The following MYO5B variants were observed in gnomAD, a reference collection of about 807,000 sequenced individuals.
MYO5B encodes the protein myosin VB.
A neutral mutation model predicts 229.3 loss-of-function variants in MYO5B; 143 were observed. That is an observed-to-expected ratio of 0.62 (90% CI 0.54 to 0.72). The LOEUF (loss-of-function observed/expected upper bound fraction) is 0.72, where lower values mean the gene tolerates loss of function less well. Ranked by LOEUF, MYO5B falls within the 30% of genes least tolerant of loss-of-function variation. MYO5B has a pLI of 0.00. For missense variants in MYO5B, 2,321 were observed against 2,331.0 expected (o/e 1.00, Z 0.09); for synonymous variants, 918 against 885.2 (o/e 1.04, Z -0.66).
At chr18:50,096,586 T>C (rs112654711) in intron 1 of MYO5B, among the ~76,000 whole-genome samples, 1 of 152,144 alleles carries the variant, frequency 6.6e-6, no homozygotes, top group African/African-American at 2.4e-5. Context: ...TTGAAAGCCA[T>C]TGAGGCTGAT....
Position 50,036,993 on chromosome 18 carries a change from A to C in MYO5B, c.312T>G (p.Gly104=), listed in dbSNP as rs369976574. 1.9e-6 allele frequency: 3 copies of C among 1,614,012 alleles called. No individual in the cohort carries two copies. The African/African-American group carries it at 4.0e-5, about 22-fold the overall frequency. The change falls in exon 4 of 40, where the codon GGT becomes GGG. Residue 104 remains glycine (G), a splice_region_variant and synonymous_variant. Coordinates refer to ENST00000285039, the MANE Select transcript of MYO5B (RefSeq NM_001080467.3). ...AAGGATTAATGGCAACAAGTACGAT[A>C]CCTGCAAACAGACAAGGTGGTCAGA... The part of the protein sequence containing the change: ...LESNHIYTYC[G]IVLVAINPYE...
intron 18 of MYO5B, among the ~76,000 whole-genome samples, chr18:49,910,866 T>C (rs1458891569): frequency 1.3e-5 from 2 of 152,204 alleles, no homozygotes; most frequent in African/African-American, 4.8e-5. Flanking sequence ...CAAGTGATTT[T>C]TGATATAATT....
At chr18:50,002,135 A>G (rs556133408) in intron 4 of MYO5B, among the ~76,000 whole-genome samples, 1 of 152,140 alleles carries the variant, frequency 6.6e-6, no homozygotes, top group Non-Finnish European at 1.5e-5. Context: ...ATACATTACA[A>G]TTTCTTCAAA....
At chr18:49,896,559 G>T (rs2024781393) in intron 21 of MYO5B, among the ~76,000 whole-genome samples, 1 of 152,150 alleles carries the variant, frequency 6.6e-6, no homozygotes, top group African/African-American at 2.4e-5. Context: ...GTTTGGCCCA[G>T]CTGCTCTCTC....
intron 8 of MYO5B, among the ~76,000 whole-genome samples, chr18:49,980,929 C>G (rs1328172977): frequency 2.6e-5 from 4 of 152,216 alleles, no homozygotes; most frequent in Admixed American, 2.0e-4. Context: ...GGTCATGTAT[C>G]TGCAATCATT....
rs56793364 is a variant in MYO5B at position 50,106,599 on chromosome 18, C to G, written c.28-51221G>C. On this transcript the variant is annotated intron_variant, in intron 1 of 39. Transcript: ENST00000285039. ...CCTGTGCCTGGAATGCTCGCCCACC[C>G]TATTTCTCATTATCTGGCTATTCCT... 2.6e-5 allele frequency among the ~76,000 whole-genome samples: 4 copies of G among 152,282 alleles called. No individual in the cohort carries two copies. The South Asian group carries it at 8.3e-4, about 32-fold the overall frequency.
At chr18:49,876,878 GCTGATGGTCT>G (rs1454822973) in intron 25 of MYO5B, among the ~76,000 whole-genome samples, 1 of 152,192 alleles carries the variant, frequency 6.6e-6, no homozygotes, top group East Asian at 1.9e-4. Context: ...ATTCTCTATT[GCTGATGGTCT>G]CTTATTTTTC....
chr18:50,135,409 A>G (rs897878016), intron 1 of MYO5B, among the ~76,000 whole-genome samples: 1 of 152,166 alleles, frequency 6.6e-6, no homozygotes. Context: ...CCAACATGTC[A>G]AGAGATGATC....
At chr18:49,844,580 G>A (rs889549844) in intron 33 of MYO5B, among the ~76,000 whole-genome samples, 1 of 152,190 alleles carries the variant, frequency 6.6e-6, no homozygotes, top group South Asian at 2.1e-4. Flanking sequence ...CTGCTCCAAC[G>A]CATCCTTCTA....
At chr18:49,902,918 A>T in intron 20 of MYO5B, 85 bp from the exon 21 acceptor site, 1 of 1,540,948 alleles carries the variant, frequency 6.5e-7, no homozygotes, top group South Asian at 1.2e-5. Flanking sequence ...CTGTGGAGGG[A>T]AGAGGCCAGG....
At position 50,094,586 on chromosome 18, in the gene MYO5B, GACCCTTGAGCTACACTGCTGCCC is replaced by G. The variant is rs1218008086; in HGVS notation, c.28-39231_28-39209del. 7.9e-5 allele frequency among the ~76,000 whole-genome samples: 12 copies of G among 152,202 alleles called. No homozygotes were observed. In the South Asian group the frequency reaches 2.1e-3, roughly 26 times the overall value. ...AGAAAAATGCAGAAAATGCAGAAATGACCCTTGAGCTACACTGCTGCCCCATGGGAACATTTACCAAACAAGGG... is the reference window on the plus strand; with the variant it reads ...AGAAAAATGCAGAAAATGCAGAAATGCATGGGAACATTTACCAAACAAGGG... On this transcript the variant is annotated intron_variant, in intron 1 of 39. Coordinates refer to ENST00000285039, the MANE Select transcript of MYO5B (RefSeq NM_001080467.3).
Position 49,912,162 on chromosome 18 carries a change from T to C in MYO5B, c.2102A>G (p.His701Arg), listed in dbSNP as rs1281373397. The change falls in exon 18 of 40, where the codon CAT becomes CGT. Residue 701 changes from histidine (H) to arginine (R), a missense_variant. His to Arg is a conservative substitution (Grantham distance 29). Coordinates refer to ENST00000285039, the MANE Select transcript of MYO5B (RefSeq NM_001080467.3). ...AAGYPSRWAYHDFFNRYRVLV... is the reference protein window; with the variant it reads ...AAGYPSRWAYRDFFNRYRVLV... ...CACCCGATACCGGTTGAAAAAGTCA[T>C]GGTAGGCCCACCTGGAGGGAAAGCA... 2 of 1,613,906 alleles carry C rather than the reference T, an allele frequency of 1.2e-6. No homozygotes were observed. The highest frequency in any genetic ancestry group is 2.7e-5 in the African/African-American group (2 of 75,006).
chr18:50,194,702 G>A (rs1393313502), intron 1 of MYO5B, 65 bp downstream of exon 1: 7 of 1,202,930 alleles, frequency 5.8e-6, no homozygotes, highest in East Asian at 3.0e-5. Context: ...AGGCGACCCT[G>A]AGTACTAGGT....
chr18:50,119,920 G>C (rs2032029113), intron 1 of MYO5B, among the ~76,000 whole-genome samples: 2 of 151,982 alleles, frequency 1.3e-5, no homozygotes, highest in South Asian at 4.1e-4. Context: ...TTCCTCAACA[G>C]TGGGCTAGAA....
At chr18:49,916,589 T>C (rs2025016710) in intron 17 of MYO5B, among the ~76,000 whole-genome samples, 2 of 152,146 alleles carry the variant, frequency 1.3e-5, no homozygotes, top group South Asian at 4.1e-4. Flanking sequence ...CACACACAGC[T>C]GTACCACAGA....
intron 1 of MYO5B, among the ~76,000 whole-genome samples, chr18:50,091,747 G>T (rs1316828252): frequency 6.6e-6 from 1 of 152,130 alleles, no homozygotes; most frequent in Non-Finnish European, 1.5e-5. Context: ...CCTGACTTCT[G>T]TTCAGTGTCT....
chr18:50,072,010 T>C (rs2030967659), intron 1 of MYO5B, among the ~76,000 whole-genome samples: 1 of 152,220 alleles, frequency 6.6e-6, no homozygotes, highest in South Asian at 2.1e-4. Context: ...CCTCTAAGGC[T>C]TGGGCTAAAG....
chr18:49,881,618 C>A (rs1420835716), intron 22 of MYO5B, among the ~76,000 whole-genome samples: 1 of 151,812 alleles, frequency 6.6e-6, no homozygotes, highest in Non-Finnish European at 1.5e-5. Context: ...CTGGCTAACA[C>A]GGTGAAATCC....
intron 17 of MYO5B, among the ~76,000 whole-genome samples, chr18:49,925,698 G>A (rs866767647): frequency 1.8e-4 from 28 of 152,172 alleles, no homozygotes; most frequent in Admixed American, 1.8e-3. Flanking sequence ...CCAGGAGCAG[G>A]AGTGCAGCCA....
Sources: allele counts gnomAD v4.1 joint callset (sites outside exome capture counted in the v4.1 genomes callset), GRCh38; gene constraint gnomAD v4.1.1; transcripts MANE v1.5; gene names NCBI Gene and HGNC (gene_info 2026-07-23, HGNC 2026-07-21).